The following EPC2 variants were observed in gnomAD, a reference collection of about 807,000 sequenced individuals.
The protein encoded by EPC2 is enhancer of polycomb 2.
Under a neutral mutation model 92.1 loss-of-function variants are expected in EPC2, and 14 were observed. The observed-to-expected ratio is 0.15, with a 90% CI of 0.10 to 0.24. EPC2 has a LOEUF of 0.24. Ranked by LOEUF, EPC2 falls within the 10% of genes least tolerant of loss-of-function variation. The probability of loss-of-function intolerance (pLI) is 1.00; values close to 1 mark genes in which losing one functional copy is unlikely to be tolerated. For missense variants in EPC2, 755 were observed against 971.5 expected (o/e 0.78, Z 2.96); for synonymous variants, 340 against 334.7 (o/e 1.02, Z -0.17).
At chr2:148,783,016 A>G (rs1683785779) in intron 11 of EPC2, among the ~76,000 whole-genome samples, 1 of 152,172 alleles carries the variant, frequency 6.6e-6, no homozygotes, top group African/African-American at 2.4e-5. Flanking sequence ...TAACATGAAA[A>G]TCTCAGTGAC....
chr2:148,666,485 G>A (rs1177445472), intron 1 of EPC2, among the ~76,000 whole-genome samples: 3 of 152,126 alleles, frequency 2.0e-5, no homozygotes, highest in South Asian at 2.1e-4. Flanking sequence ...ATTGCATACC[G>A]ATACTTTTGT....
intron 3 of EPC2, among the ~76,000 whole-genome samples, chr2:148,752,739 C>T (rs754854389): frequency 2.6e-5 from 4 of 152,142 alleles, no homozygotes; most frequent in African/African-American, 4.8e-5. Flanking sequence ...AAATAATCAT[C>T]ATAGGACTTG....
At chr2:148,682,772 C>T (rs1025343305) in intron 1 of EPC2, among the ~76,000 whole-genome samples, 1 of 152,094 alleles carries the variant, frequency 6.6e-6, no homozygotes, top group Non-Finnish European at 1.5e-5. Flanking sequence ...TCACATATGG[C>T]CAATCGTGTT....
intron 2 of EPC2, among the ~76,000 whole-genome samples, chr2:148,733,310 A>C (rs1383279913): frequency 1.3e-5 from 2 of 151,630 alleles, no homozygotes; most frequent in Non-Finnish European, 2.9e-5. Flanking sequence ...GAAATACTTT[A>C]CTTTTCCTAA....
intron 2 of EPC2, among the ~76,000 whole-genome samples, chr2:148,706,852 TA>T (rs1252176197): frequency 6.6e-6 from 1 of 152,128 alleles, no homozygotes; most frequent in Non-Finnish European, 1.5e-5. Flanking sequence ...AAGGAAGCAC[TA>T]AACATGGAAA....
chr2:148,667,259 C>T (rs1287199207), intron 1 of EPC2, among the ~76,000 whole-genome samples: 2 of 152,156 alleles, frequency 1.3e-5, no homozygotes, highest in Admixed American at 1.3e-4. Context: ...ACCTCAGGGT[C>T]ACATAGCAAC....
At chr2:148,734,069 A>T (rs763631888) in intron 2 of EPC2, among the ~76,000 whole-genome samples, 1 of 152,188 alleles carries the variant, frequency 6.6e-6, no homozygotes, top group Non-Finnish European at 1.5e-5. Flanking sequence ...GCAAGTCCCC[A>T]TGCCTGGTTG....
At chr2:148,707,322 A>G (rs1160216321) in intron 2 of EPC2, among the ~76,000 whole-genome samples, 1 of 152,234 alleles carries the variant, frequency 6.6e-6, no homozygotes, top group African/African-American at 2.4e-5. Flanking sequence ...AATGCACCCA[A>G]TACAGGAGCA....
chr2:148,691,479 AGACTGACTAT>A, intron 2 of EPC2: 1 of 1,539,908 alleles, frequency 6.5e-7, no homozygotes, highest in Non-Finnish European at 8.8e-7. Flanking sequence ...ACCAGCTTTA[AGACTGACTAT>A]AAGATTGACT....
intron 2 of EPC2, chr2:148,692,488 G>A (rs1681665353): frequency 6.6e-6 from 1 of 152,140 alleles, no homozygotes; most frequent in African/African-American, 2.4e-5. Flanking sequence ...AAGTCTTTTG[G>A]TGGTACAGCC....
intron 2 of EPC2, among the ~76,000 whole-genome samples, chr2:148,733,799 A>T (rs1197325035): frequency 6.6e-6 from 1 of 151,836 alleles, no homozygotes; most frequent in Non-Finnish European, 1.5e-5. Flanking sequence ...CCTTTTTATT[A>T]TTACTTTTAA....
chr2:148,762,842 G>A, intron 6 of EPC2, 40 bp downstream of exon 6: 1 of 1,555,386 alleles, frequency 6.4e-7, no homozygotes, highest in Non-Finnish European at 8.7e-7. Context: ...GGATGGTAAT[G>A]TTGATCAGAG....
At chr2:148,657,860 A>G (rs2105353159) in intron 1 of EPC2, among the ~76,000 whole-genome samples, 1 of 151,170 alleles carries the variant, frequency 6.6e-6, no homozygotes, top group East Asian at 2.0e-4. Context: ...TGGCTTTCAA[A>G]TGTTTTTTTG....
intron 1 of EPC2, among the ~76,000 whole-genome samples, chr2:148,673,149 T>C (rs1279683908): frequency 1.3e-5 from 2 of 152,200 alleles, no homozygotes; most frequent in Non-Finnish European, 2.9e-5. Flanking sequence ...ATTATAATTA[T>C]TATAATGTTT....
intron 3 of EPC2, among the ~76,000 whole-genome samples, chr2:148,750,662 A>G (rs1683068019): frequency 6.6e-6 from 1 of 152,122 alleles, no homozygotes; most frequent in Non-Finnish European, 1.5e-5. Flanking sequence ...TTTGCTAAAT[A>G]AGATGTTTCC....
chr2:148,784,282 T>C (rs539998951), intron 12 of EPC2, among the ~76,000 whole-genome samples: 4 of 152,210 alleles, frequency 2.6e-5, no homozygotes, highest in Non-Finnish European at 4.4e-5. Context: ...TCTCAGACCC[T>C]AGGATTTTCC....
intron 1 of EPC2, among the ~76,000 whole-genome samples, chr2:148,688,347 G>T (rs1277237724): frequency 1.3e-5 from 2 of 152,030 alleles, no homozygotes; most frequent in Non-Finnish European, 1.5e-5. Context: ...ACTCATAGGT[G>T]GGAATTGAAC....
intron 1 of EPC2, among the ~76,000 whole-genome samples, chr2:148,680,766 A>T (rs1045343269): frequency 1.3e-5 from 2 of 152,264 alleles, no homozygotes; most frequent in African/African-American, 4.8e-5. Flanking sequence ...GGAGATTTTC[A>T]TGAATTTGAA....
chr2:148,731,134 T>C (rs900190682), intron 2 of EPC2, among the ~76,000 whole-genome samples: 2 of 152,244 alleles, frequency 1.3e-5, no homozygotes, highest in African/African-American at 4.8e-5. Flanking sequence ...GATACTGTTA[T>C]ACATGTTGTA....
Sources: gnomAD v4.1 joint callset for allele counts (sites outside exome capture counted in the v4.1 genomes callset) on GRCh38, gnomAD v4.1.1 for gene constraint, MANE v1.5 for transcripts, NCBI Gene and HGNC (gene_info 2026-07-23, HGNC 2026-07-21) for gene names.